Variants in PPP1R1C observed in about 807,000 individuals in gnomAD.
PPP1R1C encodes protein phosphatase 1 regulatory inhibitor subunit 1C, also known as protein phosphatase 1 regulatory subunit 1C.
PPP1R1C carries 15 observed loss-of-function variants against 17.4 expected under a neutral mutation model. The ratio of observed to expected loss-of-function variants is 0.86; its 90% CI spans 0.58 to 1.33. The LOEUF is 1.33. PPP1R1C is among the 40% of genes most tolerant of loss of function. The pLI, the probability that PPP1R1C is intolerant of heterozygous loss-of-function variation, is 0.00. For missense variants in PPP1R1C, 143 were observed against 130.0 expected, an observed-to-expected ratio of 1.10 and a Z score of -0.48; for synonymous variants, 35 against 43.1, an observed-to-expected ratio of 0.81 and a Z score of 0.73.
chr2:182,102,231 A>G (rs529887809), intron 4 of PPP1R1C, among the ~76,000 whole-genome samples: 5 of 152,216 alleles, frequency 3.3e-5, no homozygotes, highest in Non-Finnish European at 5.9e-5. Flanking sequence ...CTGTTATTCT[A>G]TATATGAACT....
chr2:182,062,916 G>A (rs942619720), intron 3 of PPP1R1C, among the ~76,000 whole-genome samples: 5 of 151,964 alleles, frequency 3.3e-5, no homozygotes, highest in Non-Finnish European at 7.4e-5. Context: ...ATTAAGACCC[G>A]TACACTTGCC....
chr2:182,078,183 G>T (rs541397774), intron 4 of PPP1R1C, among the ~76,000 whole-genome samples: 15 of 152,128 alleles, frequency 9.9e-5, no homozygotes, highest in African/African-American at 1.4e-4. Context: ...CCCCTTAGGA[G>T]AAAAATATGT....
chr2:182,032,343 T>C (rs1351587900), intron 2 of PPP1R1C, among the ~76,000 whole-genome samples: 1 of 152,234 alleles, frequency 6.6e-6, no homozygotes, highest in African/African-American at 2.4e-5. Flanking sequence ...CTACCCTGTC[T>C]ACCATATTTA....
At chr2:181,986,598 C>T (rs1017742115) in intron 1 of PPP1R1C, among the ~76,000 whole-genome samples, 4 of 152,070 alleles carry the variant, frequency 2.6e-5, no homozygotes, top group African/African-American at 9.7e-5. Context: ...TTAAATCCTG[C>T]AATAGTTTGA....
intron 2 of PPP1R1C, among the ~76,000 whole-genome samples, chr2:182,052,993 C>T (rs949206905): frequency 1.8e-4 from 27 of 152,156 alleles, no homozygotes; most frequent in African/African-American, 6.5e-4. Flanking sequence ...TTGGTACTCA[C>T]CAAATATTCA....
chr2:182,022,191 T>G (rs766899383), intron 2 of PPP1R1C, among the ~76,000 whole-genome samples: 4 of 152,198 alleles, frequency 2.6e-5, no homozygotes, highest in Non-Finnish European at 5.9e-5. Context: ...AAGACATAAA[T>G]TGATGAAAAT....
chr2:181,966,438 G>A (rs544703584), intron 1 of PPP1R1C, among the ~76,000 whole-genome samples: 1 of 152,056 alleles, frequency 6.6e-6, no homozygotes, highest in Non-Finnish European at 1.5e-5. Context: ...CTAGCTGTGG[G>A]TATGTCATAT....
intron 4 of PPP1R1C, among the ~76,000 whole-genome samples, chr2:182,064,448 C>T (rs79927751): frequency 0.038 from 5,797 of 152,126 alleles, 372 homozygotes; most frequent in African/African-American, 0.13. Context: ...TCTACTCTCT[C>T]ATGTTTTTTC....
intron 1 of PPP1R1C, among the ~76,000 whole-genome samples, chr2:181,956,512 A>G (rs561907121): frequency 6.6e-6 from 1 of 152,310 alleles, no homozygotes; most frequent in Non-Finnish European, 1.5e-5. Flanking sequence ...ACTCCCACCA[A>G]CAGTGTAAAA....
At chr2:182,013,020 G>A (rs1204982229) in intron 2 of PPP1R1C, among the ~76,000 whole-genome samples, 1 of 151,968 alleles carries the variant, frequency 6.6e-6, no homozygotes, top group Non-Finnish European at 1.5e-5. Context: ...TTTGATGGGT[G>A]CATCATTTAA....
chr2:182,097,181 T>G (rs1409834398), intron 4 of PPP1R1C, among the ~76,000 whole-genome samples: 3 of 152,226 alleles, frequency 2.0e-5, no homozygotes. Flanking sequence ...TGGTCTTGAT[T>G]GGAGTTACAA....
chr2:181,960,785 G>A (rs1327393809), intron 1 of PPP1R1C, among the ~76,000 whole-genome samples: 1 of 152,146 alleles, frequency 6.6e-6, no homozygotes, highest in Non-Finnish European at 1.5e-5. Flanking sequence ...TCTTGTGGGG[G>A]TCACTCATGT....
chr2:181,992,590 C>A lies in PPP1R1C; in HGVS notation c.142+4691C>A, dbSNP rs1489184119. On this transcript the variant is annotated intron_variant, in intron 2 of 4. Coordinates refer to ENST00000682840, the MANE Select transcript of PPP1R1C (RefSeq NM_001080545.3). ...CTAAACATGAGTGAGCTGTATGAGG[C>A]CTGGAGATAAGTGCAGATTTGGGTA... 2.2e-5 allele frequency among the ~76,000 whole-genome samples: 3 copies of A among 134,302 alleles called. 1 individual carries two copies. The highest frequency in any genetic ancestry group is 2.2e-4 in the Admixed American group (3 of 13,660). 88.1% of individuals were successfully genotyped at this position (134,302 alleles called of 152,430 possible).
chr2:181,978,114 G>A (rs1043031793), intron 2 of PPP1R1C, among the ~76,000 whole-genome samples: 1 of 152,170 alleles, frequency 6.6e-6, no homozygotes, highest in African/African-American at 2.4e-5. Context: ...GGCTTGTGCA[G>A]GGGAAGTCCC....
intron 1 of PPP1R1C, among the ~76,000 whole-genome samples, chr2:181,964,833 G>A (rs1684878327): frequency 6.6e-6 from 1 of 152,194 alleles, no homozygotes; most frequent in Non-Finnish European, 1.5e-5. Flanking sequence ...AGGCTCCAGA[G>A]TAGCTGGGAT....
intron 2 of PPP1R1C, among the ~76,000 whole-genome samples, chr2:182,018,744 G>A (rs938085888): frequency 5.9e-5 from 9 of 152,168 alleles, no homozygotes; most frequent in Non-Finnish European, 1.0e-4. Context: ...GGAGACCAGT[G>A]GAATAGTGTA....
chr2:182,095,405 A>G (rs1192986905), intron 4 of PPP1R1C, among the ~76,000 whole-genome samples: 2 of 152,230 alleles, frequency 1.3e-5, no homozygotes, highest in African/African-American at 4.8e-5. Context: ...CATTTTAGAT[A>G]TTTGGCTTGT....
Position 182,066,964 on chromosome 2 carries a change from GTGTT to G in PPP1R1C, c.241+3177_241+3180del, listed in dbSNP as rs1211977055. The stretch of plus-strand genomic sequence containing the variant: ...TTTGTGTGTGTGTCTGTGTGTGTGT[GTGTT>G]TGTGTGTGTGTGTGTGTGTGTGTGT... On this transcript the variant is annotated intron_variant, in intron 4 of 4. Transcript: ENST00000682840. Among the ~76,000 whole-genome samples the G allele has an allele frequency of 2.8e-3, 200 of 71,578 alleles. 2 individuals carry two copies. The highest frequency in any genetic ancestry group is 0.023 in the East Asian group (59 of 2,584). The allele number at this position is 71,578 out of a possible 152,430, so 47.0% of individuals were successfully genotyped here. A position where few individuals can be genotyped will look rare whatever the true frequency, so the allele number is the denominator to read the frequency against.
intron 2 of PPP1R1C, among the ~76,000 whole-genome samples, chr2:181,998,129 G>T (rs1685665914): frequency 6.6e-6 from 1 of 152,192 alleles, no homozygotes. Flanking sequence ...CTTAGAATCA[G>T]TGAACATGGG....
Sources: gnomAD v4.1 joint callset for allele counts (sites outside exome capture counted in the v4.1 genomes callset) on GRCh38, gnomAD v4.1.1 for gene constraint, MANE v1.5 for transcripts, NCBI Gene and HGNC (gene_info 2026-07-23, HGNC 2026-07-21) for gene names.